The following WRN variants were observed in gnomAD, a reference collection of about 807,000 sequenced individuals.
The protein encoded by WRN is WRN RecQ like helicase.
Under a neutral mutation model 180.7 loss-of-function variants are expected in WRN, and 149 were observed. The observed-to-expected ratio is 0.82, with a 90% confidence interval of 0.72 to 0.94. WRN has a LOEUF of 0.94. Ranked by LOEUF, WRN falls within the 40% of genes least tolerant of loss-of-function variation. WRN has a pLI of 0.00. For synonymous variants in WRN, 548 were observed against 568.9 expected, an observed-to-expected ratio of 0.96 and a Z score of 0.52; for missense variants, 1,661 against 1,700.1, an observed-to-expected ratio of 0.98 and a Z score of 0.40.
rs11574178 is a variant in WRN, at chr8:31,059,371, A to G, written c.209+106A>G. The G allele has an allele frequency of 4.1e-3, 3,511 of 860,106 alleles. 88 individuals are homozygous for G. The African/African-American group carries it at 0.052, about 13-fold the overall frequency. 53.3% of individuals were successfully genotyped at this position (860,106 alleles called of 1,614,324 possible). ...GAGTTTTACAGGTGAGGTGTGTTCA[A>G]TAGATAATTATTTCTATGTATACAC... On this transcript the variant is annotated intron_variant, in intron 3 of 34. Coordinates refer to ENST00000298139, the MANE Select transcript of WRN (RefSeq NM_000553.6).
chr8:31,090,804 A>AT, intron 14 of WRN, 30 bp from the exon 15 acceptor site: 2 of 1,533,716 alleles, frequency 1.3e-6, no homozygotes, highest in Non-Finnish European at 1.8e-6. Context: ...TATTTTTTTC[A>AT]TTTTATTTTT....
chr8:31,144,405 G>A (rs1013608795), intron 28 of WRN, among the ~76,000 whole-genome samples: 3 of 148,974 alleles, frequency 2.0e-5, no homozygotes, highest in Non-Finnish European at 4.4e-5. Context: ...GCACAATCTC[G>A]GCTCACTGCA....
intron 30 of WRN, among the ~76,000 whole-genome samples, chr8:31,149,721 C>T (rs1563382020): frequency 6.6e-6 from 1 of 151,890 alleles, no homozygotes; most frequent in African/African-American, 2.4e-5. Context: ...GCAATCCACC[C>T]GCCCCGGCCT....
intron 8 of WRN, among the ~76,000 whole-genome samples, chr8:31,078,157 A>T (rs1422215402): frequency 6.6e-6 from 1 of 152,244 alleles, no homozygotes; most frequent in Non-Finnish European, 1.5e-5. Context: ...TATGACAAGA[A>T]TTATCAATTT....
chr8:31,056,478 T>C (rs1812278237), intron 1 of WRN, among the ~76,000 whole-genome samples: 1 of 152,224 alleles, frequency 6.6e-6, no homozygotes, highest in Non-Finnish European at 1.5e-5. Context: ...TCACTACATA[T>C]GACGCATGTG....
intron 24 of WRN, among the ~76,000 whole-genome samples, chr8:31,139,676 G>A (rs1186577539): frequency 3.3e-5 from 5 of 152,296 alleles, no homozygotes; most frequent in Non-Finnish European, 2.9e-5. Flanking sequence ...TGATACTTAC[G>A]AAGCTCATCA....
chr8:31,128,091 A>C (rs1801996926), intron 23 of WRN, among the ~76,000 whole-genome samples: 1 of 152,086 alleles, frequency 6.6e-6, no homozygotes, highest in African/African-American at 2.4e-5. Flanking sequence ...TTTAAAAAAA[A>C]AAACAAACTT....
chr8:31,102,048 A>G (rs754145007), intron 18 of WRN, among the ~76,000 whole-genome samples: 1 of 152,128 alleles, frequency 6.6e-6, no homozygotes, highest in Non-Finnish European at 1.5e-5. Context: ...TTTGTACAGT[A>G]TCTAGAGTTT....
At chr8:31,077,779 A>G (rs1563336869) in intron 8 of WRN, among the ~76,000 whole-genome samples, 2 of 152,246 alleles carry the variant, frequency 1.3e-5, no homozygotes, top group African/African-American at 4.8e-5. Flanking sequence ...TAAATTGAAC[A>G]TGTTTTATTT....
At chr8:31,083,661 A>G in intron 9 of WRN, 38 bp from the exon 10 acceptor site, 2 of 1,549,954 alleles carry the variant, frequency 1.3e-6, no homozygotes, top group African/African-American at 1.4e-5. Context: ...TATGAAGTCA[A>G]TTATATTGGA....
At chr8:31,074,230 G>T (rs1813018287) in intron 7 of WRN, among the ~76,000 whole-genome samples, 1 of 151,772 alleles carries the variant, frequency 6.6e-6, no homozygotes, top group Non-Finnish European at 1.5e-5. Context: ...CGGCCCAAGA[G>T]TAACCTTTTC....
At chr8:31,084,607 G>A (rs1452667313) in intron 10 of WRN, among the ~76,000 whole-genome samples, 1 of 152,086 alleles carries the variant, frequency 6.6e-6, no homozygotes, top group East Asian at 1.9e-4. Context: ...CCTGGAGATT[G>A]CCAAATTATT....
At chr8:31,116,555 C>T in intron 20 of WRN, 27 bp downstream of exon 20, 2 of 1,612,396 alleles carry the variant, frequency 1.2e-6, no homozygotes, top group Non-Finnish European at 8.5e-7. Flanking sequence ...TCATTGCTCT[C>T]CGTTGCTCAT....
At chr8:31,142,963 A>C (rs779223593) in intron 27 of WRN, among the ~76,000 whole-genome samples, 1 of 151,890 alleles carries the variant, frequency 6.6e-6, no homozygotes, top group East Asian at 1.9e-4. Flanking sequence ...GGCTTAGAGT[A>C]GTCACATGTT....
chr8:31,117,120 GT>G (rs1801554039), intron 20 of WRN, among the ~76,000 whole-genome samples: 1 of 152,144 alleles, frequency 6.6e-6, no homozygotes. Flanking sequence ...ATACCTGTTA[GT>G]TTTCACTGAC....
At chr8:31,099,397 A>AGGAG (rs953690530) in intron 17 of WRN, among the ~76,000 whole-genome samples, 1 of 151,524 alleles carries the variant, frequency 6.6e-6, no homozygotes, top group Non-Finnish European at 1.5e-5. Context: ...GAAGGAAGGA[A>AGGAG]GGAAGGAAGG....
chr8:31,057,550 G>A (rs11574172), intron 1 of WRN, among the ~76,000 whole-genome samples: 3,984 of 151,912 alleles, frequency 0.026, 167 homozygotes, highest in African/African-American at 0.089. Context: ...CAGCCTGGGC[G>A]ACACAGCAAG....
At chr8:31,158,788 G>A (rs1160494908) in intron 33 of WRN, among the ~76,000 whole-genome samples, 7 of 152,074 alleles carry the variant, frequency 4.6e-5, no homozygotes, top group Non-Finnish European at 1.0e-4. Flanking sequence ...CACTTCCATT[G>A]ATCACGGTGG....
At chr8:31,061,409 A>G (rs1053336796) in intron 3 of WRN, among the ~76,000 whole-genome samples, 12 of 151,680 alleles carry the variant, frequency 7.9e-5, no homozygotes, top group African/African-American at 2.9e-4. Flanking sequence ...CATATTTTTA[A>G]TAGCTGTTTT....
Sources: allele counts gnomAD v4.1 joint callset (sites outside exome capture counted in the v4.1 genomes callset), GRCh38; gene constraint gnomAD v4.1.1; transcripts MANE v1.5; gene names NCBI Gene and HGNC (gene_info 2026-07-23, HGNC 2026-07-21).